The following TRIO variants were observed in gnomAD, a reference collection of about 807,000 sequenced individuals.
TRIO encodes the protein triple functional domain protein.
Under a neutral mutation model 351.9 loss-of-function variants are expected in TRIO, and 58 were observed. That is an observed-to-expected ratio of 0.16 (90% CI 0.13 to 0.21). The LOEUF (loss-of-function observed/expected upper bound fraction) is 0.21, where lower values mean the gene tolerates loss of function less well. TRIO is among the 10% of genes least tolerant of loss of function. The pLI is 1.00. For synonymous variants in TRIO, 1,758 were observed against 1,595.7 expected (o/e 1.10, Z -2.42); for missense variants, 3,201 against 4,027.8 (o/e 0.79, Z 5.56).
rs746917827 is a variant in TRIO, at chr5:14,330,764, GTA to G, written c.1732-12_1732-11del. ...CATTGTTTTTATGGCATATGTACCTGTATTTCATTGTAGGTGCTAGACTGGAT... is the reference window on the plus strand; with the variant it reads ...CATTGTTTTTATGGCATATGTACCTGTTTCATTGTAGGTGCTAGACTGGAT... On this transcript the variant is annotated splice_polypyrimidine_tract_variant and intron_variant, in intron 9 of 56. Transcript: ENST00000344204. 4 of 1,613,368 alleles carry G rather than the reference GTA, an allele frequency of 2.5e-6. No individual in the cohort carries two copies. The South Asian group carries it at 4.4e-5, about 18-fold the overall frequency.
At chr5:14,157,807 T>G (rs1788206563) in intron 1 of TRIO, among the ~76,000 whole-genome samples, 1 of 152,074 alleles carries the variant, frequency 6.6e-6, no homozygotes, top group Admixed American at 6.5e-5. Flanking sequence ...AGGCTGGTCT[T>G]GAACTCCTGG....
rs775149308 is a variant in TRIO, at chr5:14,498,499, T to C, written c.8211-20T>C. The C allele has an allele frequency of 6.2e-7, 1 of 1,610,126 alleles. No homozygotes were observed. Among genetic ancestry groups the C allele is most frequent in the South Asian group, 1.1e-5 (1 of 91,002 alleles). On this transcript the variant is annotated intron_variant, in intron 52 of 56. Coordinates refer to ENST00000344204, the MANE Select transcript of TRIO (RefSeq NM_007118.4). ...TGCTCAGCTTTTCTGATGCGCAGTGTGTTCCCATCTGTGCCGCAGTGACCT... is the reference window on the plus strand; with the variant it reads ...TGCTCAGCTTTTCTGATGCGCAGTGCGTTCCCATCTGTGCCGCAGTGACCT...
chr5:14,236,633 C>T (rs1312196415), intron 1 of TRIO, among the ~76,000 whole-genome samples: 1 of 152,140 alleles, frequency 6.6e-6, no homozygotes, highest in Non-Finnish European at 1.5e-5. Context: ...TTTTAAATAA[C>T]CAATTACTCT....
At chr5:14,361,491 T>C (rs1213950840) in intron 13 of TRIO, among the ~76,000 whole-genome samples, 1 of 152,178 alleles carries the variant, frequency 6.6e-6, no homozygotes, top group Non-Finnish European at 1.5e-5. Flanking sequence ...TTCTCTTTAA[T>C]CCTGAAAAAT....
intron 1 of TRIO, among the ~76,000 whole-genome samples, chr5:14,222,071 G>A (rs1031034143): frequency 2.0e-5 from 3 of 151,690 alleles, no homozygotes; most frequent in African/African-American, 7.3e-5. Flanking sequence ...TCCACATCGC[G>A]GCAAGACCCT....
chr5:14,490,790 G>A, intron 48 of TRIO: 1 of 455,946 alleles, frequency 2.2e-6, no homozygotes, highest in South Asian at 1.5e-5. Context: ...TTGTAGCCTG[G>A]TATATTACCA....
intron 1 of TRIO, among the ~76,000 whole-genome samples, chr5:14,266,459 G>C (rs1795684354): frequency 1.3e-5 from 2 of 152,148 alleles, no homozygotes; most frequent in Non-Finnish European, 2.9e-5. Flanking sequence ...AGAAAAAGAG[G>C]CAACTATTCA....
intron 1 of TRIO, among the ~76,000 whole-genome samples, chr5:14,182,342 CTTAATG>C (rs1789836817): frequency 6.6e-6 from 1 of 152,214 alleles, no homozygotes; most frequent in African/African-American, 2.4e-5. Flanking sequence ...TTCCCTGGAT[CTTAATG>C]TTAGTCTTTG....
intron 1 of TRIO, among the ~76,000 whole-genome samples, chr5:14,170,232 T>C (rs766847360): frequency 3.3e-5 from 5 of 152,222 alleles, no homozygotes; most frequent in Non-Finnish European, 7.3e-5. Flanking sequence ...AAGTTCTTTG[T>C]GAGAGCTTTA....
intron 3 of TRIO, among the ~76,000 whole-genome samples, chr5:14,284,306 G>C (rs1736260072): frequency 6.6e-6 from 1 of 152,172 alleles, no homozygotes; most frequent in African/African-American, 2.4e-5. Context: ...GGTGGTGGAA[G>C]GGCTTGGGGG....
intron 1 of TRIO, among the ~76,000 whole-genome samples, chr5:14,231,264 TAA>T (rs1291478934): frequency 6.6e-6 from 1 of 152,208 alleles, no homozygotes; most frequent in African/African-American, 2.4e-5. Context: ...ATTTTAGTAT[TAA>T]AGCTTGTGTT....
intron 1 of TRIO, among the ~76,000 whole-genome samples, chr5:14,224,715 G>A (rs1354457289): frequency 6.6e-6 from 1 of 152,106 alleles, no homozygotes; most frequent in African/African-American, 2.4e-5. Flanking sequence ...AATGATTGTC[G>A]TTAGTTGTTT....
At chr5:14,495,658 G>GA (rs56018324) in intron 49 of TRIO, among the ~76,000 whole-genome samples, 4,353 of 32,550 alleles carry the variant, frequency 0.13, 1,021 homozygotes, top group Admixed American at 0.16. Flanking sequence ...GTCTCTACTA[G>GA]AAAAAAAAAA....
At chr5:14,488,521 C>T in intron 48 of TRIO, 1 of 545,774 alleles carries the variant, frequency 1.8e-6, no homozygotes. Flanking sequence ...TCTTCCATTT[C>T]CAACCAGCAG....
intron 1 of TRIO, among the ~76,000 whole-genome samples, chr5:14,255,490 T>C (rs984852797): frequency 6.6e-6 from 1 of 152,222 alleles, no homozygotes; most frequent in Non-Finnish European, 1.5e-5. Flanking sequence ...CGCACATCAA[T>C]GTAGATGAGT....
At chr5:14,463,098 G>A (rs1753955123) in intron 36 of TRIO, among the ~76,000 whole-genome samples, 173 bp downstream of exon 36, 1 of 152,258 alleles carries the variant, frequency 6.6e-6, no homozygotes, top group African/African-American at 2.4e-5. Flanking sequence ...AAAAGTATGA[G>A]TAACAAAGCC....
At chr5:14,287,434 G>T (rs1302792495) in intron 4 of TRIO, among the ~76,000 whole-genome samples, 1 of 152,222 alleles carries the variant, frequency 6.6e-6, no homozygotes, top group Non-Finnish European at 1.5e-5. Flanking sequence ...CCCTGGAGAT[G>T]AGGGAATGTT....
intron 34 of TRIO, among the ~76,000 whole-genome samples, chr5:14,422,186 A>G (rs1359312534): frequency 6.6e-6 from 1 of 151,312 alleles, no homozygotes; most frequent in African/African-American, 2.5e-5. Context: ...CAGCTGGGTA[A>G]GACCCCCTCC....
chr5:14,462,766 C>G lies in TRIO; in HGVS notation c.5508C>G (p.Asn1836Lys). 6.2e-7 allele frequency: 1 copy of G among 1,614,124 alleles called. No individual in the cohort carries two copies. Among genetic ancestry groups the G allele is most frequent in the South Asian group, 1.1e-5 (1 of 91,082 alleles). ...TGACTGGATTTCAGAGAGGCCGGAA[C>G]GAGGGCCTGAGCAGCGGTACTCTCT... is the stretch of plus-strand genomic sequence containing the variant. Reference protein sequence around the residue: ...QDETVEERGRNEGLSSGTLSK... With the variant: ...QDETVEERGRKEGLSSGTLSK... Residue 1836 changes from asparagine (N) to lysine (K), a missense_variant, in exon 36 of 57, where the codon AAC becomes AAG. Physicochemically the swap from Asn to Lys is moderately conservative, Grantham distance 94 (BLOSUM62 0). Transcript: ENST00000344204.
Sources: gnomAD v4.1 joint callset for allele counts (sites outside exome capture counted in the v4.1 genomes callset) on GRCh38, gnomAD v4.1.1 for gene constraint, MANE v1.5 for transcripts, NCBI Gene and HGNC (gene_info 2026-07-23, HGNC 2026-07-21) for gene names.